Variants in PCDH15 observed in about 807,000 individuals in gnomAD.
PCDH15 encodes the protein protocadherin related 15.
PCDH15 carries 129 observed loss-of-function variants against 178.5 expected under a neutral mutation model. That is an observed-to-expected ratio of 0.72 (90% CI 0.63 to 0.84). PCDH15 has a LOEUF of 0.84. Among genes scored for constraint, PCDH15 ranks in the 40% least tolerant of loss-of-function variants. The pLI is 0.00. For synonymous variants in PCDH15, 800 were observed against 732.0 expected, an observed-to-expected ratio of 1.09 and a Z score of -1.50; for missense variants, 2,230 against 2,099.9, an observed-to-expected ratio of 1.06 and a Z score of -1.21.
At chr10:54,180,229 T>C (rs903460840) in intron 13 of PCDH15, among the ~76,000 whole-genome samples, 1 of 152,182 alleles carries the variant, frequency 6.6e-6, no homozygotes, top group African/African-American at 2.4e-5. Context: ...CCAGGCTTTT[T>C]GAAAAAATCA....
At chr10:54,121,674 T>C (rs779267873) in intron 15 of PCDH15, among the ~76,000 whole-genome samples, 1 of 152,084 alleles carries the variant, frequency 6.6e-6, no homozygotes, top group Non-Finnish European at 1.5e-5. Flanking sequence ...ACTATGAACA[T>C]TTCTATGCAC....
At position 54,769,619 on chromosome 10, in the gene PCDH15, T is replaced by C. The variant is rs150306896; in HGVS notation, c.-29+31306A>G. Among the ~76,000 whole-genome samples, 889 of 151,986 alleles carry C rather than the reference T, an allele frequency of 5.8e-3. 10 individuals carry two copies. The highest frequency in any genetic ancestry group is 0.02 in the African/African-American group (829 of 41,426). ...CAGGAAACATCATCACAAAATGCCA[T>C]GAGAAAGCAGACTGTGTACAGAATC... On this transcript the variant is annotated intron_variant, in intron 1 of 37. Transcript: ENST00000644397.
chr10:53,974,246 C>T (rs1023251858), intron 21 of PCDH15, among the ~76,000 whole-genome samples: 1 of 152,128 alleles, frequency 6.6e-6, no homozygotes, highest in South Asian at 2.1e-4. Flanking sequence ...AACTCCTGAG[C>T]TCAAGTGATC....
chr10:55,272,744 T>C (rs1335469860), intron 1 of PCDH15, among the ~76,000 whole-genome samples: 4 of 152,080 alleles, frequency 2.6e-5, no homozygotes, highest in African/African-American at 4.8e-5. Context: ...CAAGATGAGG[T>C]TGGACAGTTA....
At chr10:54,644,629 T>C (rs755788223) in intron 2 of PCDH15, among the ~76,000 whole-genome samples, 6 of 152,120 alleles carry the variant, frequency 3.9e-5, no homozygotes, top group Non-Finnish European at 7.3e-5. Flanking sequence ...CTATTGAACG[T>C]CTCTAATGAC....
intron 1 of PCDH15, among the ~76,000 whole-genome samples, chr10:55,243,618 C>G (rs923339087): frequency 6.6e-6 from 1 of 152,118 alleles, no homozygotes; most frequent in Non-Finnish European, 1.5e-5. Context: ...GCATTTAAAG[C>G]CATATTGTGT....
chr10:54,972,646 G>A (rs1394780549), intron 2 of PCDH15, among the ~76,000 whole-genome samples: 2 of 151,926 alleles, frequency 1.3e-5, no homozygotes, highest in East Asian at 3.9e-4. Flanking sequence ...TCAGGAGATC[G>A]AAACCATCCT....
At chr10:55,284,113 A>T (rs1004309504) in intron 1 of PCDH15, among the ~76,000 whole-genome samples, 3 of 152,160 alleles carry the variant, frequency 2.0e-5, no homozygotes, top group Non-Finnish European at 4.4e-5. Context: ...AATCCCACAT[A>T]ATACAGACTG....
chr10:54,760,341 G>C (rs554209385), intron 1 of PCDH15, among the ~76,000 whole-genome samples: 1 of 151,858 alleles, frequency 6.6e-6, no homozygotes, highest in East Asian at 1.9e-4. Context: ...TTTTAAAACA[G>C]ATGGGATGAA....
chr10:54,931,042 C>T (rs1837760096), intron 2 of PCDH15, among the ~76,000 whole-genome samples: 1 of 151,992 alleles, frequency 6.6e-6, no homozygotes, highest in African/African-American at 2.4e-5. Flanking sequence ...TCCATTTTTC[C>T]TGGAGTATTT....
intron 1 of PCDH15, among the ~76,000 whole-genome samples, chr10:54,675,538 AT>A (rs1565914094): frequency 8.4e-6 from 1 of 118,598 alleles, no homozygotes; most frequent in East Asian, 2.4e-4. Flanking sequence ...ATTTTACTTT[AT>A]TTTTAGCTAG....
At chr10:54,993,652 C>A (rs1839566481) in intron 2 of PCDH15, among the ~76,000 whole-genome samples, 1 of 152,018 alleles carries the variant, frequency 6.6e-6, no homozygotes, top group African/African-American at 2.4e-5. Context: ...ACACACAACA[C>A]ATTTCATGAG....
intron 1 of PCDH15, 115 bp downstream of exon 1, chr10:54,800,810 A>AG (rs1470965889): frequency 6.6e-6 from 1 of 152,214 alleles, no homozygotes; most frequent in African/African-American, 2.4e-5. Flanking sequence ...CAAGCATGAC[A>AG]GAAAGTAGCA....
intron 23 of PCDH15, among the ~76,000 whole-genome samples, chr10:53,956,450 C>T (rs2087622487): frequency 6.6e-6 from 1 of 152,012 alleles, no homozygotes. Flanking sequence ...AAATTTAGAC[C>T]TATATAAACA....
chr10:54,622,639 A>G (rs1342828251), intron 2 of PCDH15, among the ~76,000 whole-genome samples: 1 of 41,782 alleles, frequency 2.4e-5, no homozygotes, highest in Non-Finnish European at 4.5e-5. Context: ...TATATATTAT[A>G]TAATTATATA....
At chr10:55,034,101 G>A (rs1392003199) in intron 2 of PCDH15, among the ~76,000 whole-genome samples, 2 of 151,426 alleles carry the variant, frequency 1.3e-5, no homozygotes, top group Non-Finnish European at 1.5e-5. Flanking sequence ...TCTTTGTTTT[G>A]CTTTTATAAA....
chr10:54,924,167 A>G lies in PCDH15; in HGVS notation c.-79-26667T>C, dbSNP rs532439213. 1.5e-5 allele frequency among the ~76,000 whole-genome samples: 2 copies of G among 137,520 alleles called. 1 individual carries two copies. The highest frequency in any genetic ancestry group is 4.6e-4 in the South Asian group (2 of 4,326). 90.2% of individuals were successfully genotyped at this position (137,520 alleles called of 152,430 possible). On this transcript the variant is annotated intron_variant, in intron 2 of 5. Transcript: ENST00000458638. ...ATGGTGAAGCAGGAAGTGGGGGGGA[A>G]GTACTACACACTTTCAAACAACCAG...
intron 1 of PCDH15, among the ~76,000 whole-genome samples, chr10:55,218,978 A>G (rs1840790849): frequency 6.6e-6 from 1 of 152,118 alleles, no homozygotes; most frequent in South Asian, 2.1e-4. Context: ...TTTATATAAT[A>G]AAATGAATAT....
intron 2 of PCDH15, among the ~76,000 whole-genome samples, chr10:55,058,034 A>G (rs929521907): frequency 6.6e-6 from 1 of 151,846 alleles, no homozygotes; most frequent in Non-Finnish European, 1.5e-5. Context: ...AATCGTTTGC[A>G]TTCTGTACAT....
Sources: gnomAD v4.1 joint callset for allele counts (sites outside exome capture counted in the v4.1 genomes callset) on GRCh38, gnomAD v4.1.1 for gene constraint, MANE v1.5 for transcripts, NCBI Gene and HGNC (gene_info 2026-07-23, HGNC 2026-07-21) for gene names.